Variants in CD53 observed in about 807,000 individuals in gnomAD.
The protein encoded by CD53 is leukocyte surface antigen CD53.
Under a neutral mutation model 27.3 loss-of-function variants are expected in CD53, and 20 were observed. The ratio of observed to expected loss-of-function variants is 0.73; its 90% CI spans 0.52 to 1.07. The LOEUF (loss-of-function observed/expected upper bound fraction) is 1.07. Ranked by LOEUF, CD53 falls within the 50% of genes least tolerant of loss-of-function variation. The pLI is 0.00. For synonymous variants in CD53, 106 were observed against 105.3 expected, an observed-to-expected ratio of 1.01 and a Z score of -0.04; for missense variants, 216 against 264.0, an observed-to-expected ratio of 0.82 and a Z score of 1.26.
intron 5 of CD53, 55 bp from the exon 6 acceptor site, chr1:110,896,598 C>CT: frequency 6.5e-7 from 1 of 1,546,560 alleles, no homozygotes; most frequent in South Asian, 1.1e-5. Context: ...AGGTCCACAG[C>CT]TTTTTTTCAC....
At chr1:110,895,084 C>A (rs778895927) in intron 5 of CD53, 29 bp downstream of exon 5, 2 of 1,495,866 alleles carry the variant, frequency 1.3e-6, no homozygotes, top group South Asian at 2.3e-5. Flanking sequence ...CTCTTCAGAT[C>A]AGCCCAGACT....
intron 1 of CD53, among the ~76,000 whole-genome samples, chr1:110,884,689 A>AATT (rs1042396282): frequency 4.6e-5 from 7 of 151,924 alleles, no homozygotes; most frequent in African/African-American, 1.4e-4. Flanking sequence ...GTCCCTTTAT[A>AATT]AAGTAATCTT....
At chr1:110,896,783 T>A in intron 6 of CD53, 50 bp downstream of exon 6, 1 of 1,508,988 alleles carries the variant, frequency 6.6e-7, no homozygotes, top group Non-Finnish European at 9.2e-7. Flanking sequence ...TTTAAATGTT[T>A]AATTACCTCG....
chr1:110,873,839 T>C (rs1656032944), intron 1 of CD53, among the ~76,000 whole-genome samples: 1 of 152,202 alleles, frequency 6.6e-6, no homozygotes, highest in Non-Finnish European at 1.5e-5. Context: ...AAAGGATGCA[T>C]AGATTGTTGG....
At chr1:110,894,236 C>G (rs1936943) in intron 3 of CD53, 91 bp from the exon 4 acceptor site, 1 of 1,040,542 alleles carries the variant, frequency 9.6e-7, no homozygotes, top group South Asian at 1.3e-5. Context: ...ACCCTGTACT[C>G]GTGCAAATGC....
At chr1:110,896,827 T>C (rs934254402) in intron 6 of CD53, 94 bp downstream of exon 6, 33 of 1,051,512 alleles carry the variant, frequency 3.1e-5, no homozygotes, top group East Asian at 7.2e-5. Context: ...AGACCTTCTA[T>C]TGAGAAACAG....
chr1:110,889,857 C>A (rs925953923), intron 1 of CD53, among the ~76,000 whole-genome samples: 5 of 152,088 alleles, frequency 3.3e-5, no homozygotes, highest in Admixed American at 6.5e-5. Context: ...TATTCAAATG[C>A]ATTTATAATC....
At chr1:110,890,825 G>A (rs180753970) in intron 1 of CD53, among the ~76,000 whole-genome samples, 3 of 152,316 alleles carry the variant, frequency 2.0e-5, no homozygotes, top group Admixed American at 6.5e-5. Flanking sequence ...GCTTAGTCAT[G>A]GTTGCATCTT....
At chr1:110,887,475 T>C (rs533630092) in intron 1 of CD53, among the ~76,000 whole-genome samples, 33 of 152,350 alleles carry the variant, frequency 2.2e-4, no homozygotes, top group African/African-American at 7.9e-4. Context: ...CTTGCATGCC[T>C]GATATTTTGA....
intron 1 of CD53, among the ~76,000 whole-genome samples, chr1:110,873,559 C>A (rs1019665383): frequency 3.3e-5 from 5 of 152,096 alleles, no homozygotes; most frequent in Non-Finnish European, 7.4e-5. Context: ...GCTTTCTATG[C>A]GAGATGACAT....
At chr1:110,894,125 G>A (rs894333059) in intron 3 of CD53, among the ~76,000 whole-genome samples, 3 of 152,208 alleles carry the variant, frequency 2.0e-5, no homozygotes, top group Non-Finnish European at 4.4e-5. Flanking sequence ...GAGCAAAGAA[G>A]ACAGTTGATC....
At chr1:110,886,859 ATATATATATAT>A (rs1392848923) in intron 1 of CD53, among the ~76,000 whole-genome samples, 1 of 74,096 alleles carries the variant, frequency 1.3e-5, no homozygotes, top group Non-Finnish European at 3.0e-5. Flanking sequence ...ATATATATAT[ATATATATATAT>A]TTTTTTTTTC....
chr1:110,896,818 G>C, intron 6 of CD53, 85 bp downstream of exon 6: 1 of 1,150,692 alleles, frequency 8.7e-7, no homozygotes, highest in Non-Finnish European at 1.3e-6. Flanking sequence ...AGAGGACCTA[G>C]ACCTTCTATT....
chr1:110,889,310 A>T (rs1314213136), intron 1 of CD53, among the ~76,000 whole-genome samples: 1 of 151,998 alleles, frequency 6.6e-6, no homozygotes, highest in Non-Finnish European at 1.5e-5. Context: ...TAATCCCAAC[A>T]CTTTGGGAGG....
chr1:110,874,433 A>T (rs1656053950), intron 1 of CD53, among the ~76,000 whole-genome samples: 1 of 152,200 alleles, frequency 6.6e-6, no homozygotes, highest in Non-Finnish European at 1.5e-5. Flanking sequence ...TGTCTAGCAA[A>T]CAGTCCTACT....
chr1:110,875,416 C>A (rs61803956), intron 1 of CD53, among the ~76,000 whole-genome samples: 2,320 of 152,278 alleles, frequency 0.015, 26 homozygotes, highest in Middle Eastern at 0.031. Context: ...GGAGAAGAGG[C>A]AGGTTTTTGC....
At chr1:110,885,693 T>C (rs981255898) in intron 1 of CD53, among the ~76,000 whole-genome samples, 37 of 151,734 alleles carry the variant, frequency 2.4e-4, no homozygotes, top group African/African-American at 8.9e-4. Flanking sequence ...CGAAACCCCC[T>C]CTCTACTAAA....
intron 4 of CD53, 44 bp downstream of exon 4, chr1:110,894,445 G>A: frequency 6.9e-7 from 1 of 1,446,276 alleles, no homozygotes; most frequent in Non-Finnish European, 9.7e-7. Context: ...TACTGAAAGT[G>A]GGGAGTATGC....
intron 1 of CD53, among the ~76,000 whole-genome samples, chr1:110,884,994 C>A (rs2101048722): frequency 6.6e-6 from 1 of 152,124 alleles, no homozygotes; most frequent in African/African-American, 2.4e-5. Flanking sequence ...TTATTTGTCT[C>A]ATTTTTCTAC....
Sources: gnomAD v4.1 joint callset for allele counts (sites outside exome capture counted in the v4.1 genomes callset) on GRCh38, gnomAD v4.1.1 for gene constraint, MANE v1.5 for transcripts, NCBI Gene and HGNC (gene_info 2026-07-23, HGNC 2026-07-21) for gene names.